XPNPEP1: variants seen among roughly 807,000 people sequenced by gnomAD.
The protein encoded by XPNPEP1 is xaa-Pro aminopeptidase 1.
XPNPEP1 carries 39 observed loss-of-function variants against 92.4 expected under a neutral mutation model. That is an observed-to-expected ratio of 0.42 (90% CI 0.33 to 0.55). The LOEUF (loss-of-function observed/expected upper bound fraction) is 0.55. Among genes scored for constraint, XPNPEP1 ranks in the 20% least tolerant of loss-of-function variants. The pLI is 0.08. For missense variants in XPNPEP1, 654 were observed against 856.1 expected, an observed-to-expected ratio of 0.76 and a Z score of 2.95; for synonymous variants, 307 against 299.4, an observed-to-expected ratio of 1.03 and a Z score of -0.26.
chr10:109,884,072 C>T lies in XPNPEP1; in HGVS notation c.825G>A (p.Thr275=), dbSNP rs758851966. The T allele has an allele frequency of 2.5e-6, 4 of 1,613,126 alleles. No homozygotes were observed. The highest frequency in any genetic ancestry group is 1.1e-5 in the South Asian group (1 of 90,874). ...FFSYAIIGLE[T]IMLFIDGDRI... The stretch of plus-strand genomic sequence containing the variant: ...GATGCAGGGCAAACACTCACATGAT[C>T]GTCTCTAGTCCTATGATTGCGTAGG... The change falls in exon 9 of 21, where the codon ACG becomes ACA. Residue 275 remains threonine (T), a synonymous_variant. Coordinates refer to ENST00000502935, the MANE Select transcript of XPNPEP1 (RefSeq NM_020383.4).
intron 9 of XPNPEP1, 77 bp from the exon 10 acceptor site, chr10:109,882,719 C>T: frequency 1.4e-6 from 2 of 1,480,170 alleles, no homozygotes; most frequent in Middle Eastern, 2.0e-4. Flanking sequence ...CACACATACA[C>T]ATCAGGCTCT....
At position 109,891,896 on chromosome 10, in the gene XPNPEP1, A is replaced by G; in HGVS notation, c.311-70T>C. On this transcript the variant is annotated intron_variant, in intron 4 of 20. Coordinates refer to ENST00000502935, the MANE Select transcript of XPNPEP1 (RefSeq NM_020383.4). ...AACTGCTCAGAAGCTGCACAAAATGACAGTAGACAGGCAAGAGCAGTAAGA... is the reference window on the plus strand; with the variant it reads ...AACTGCTCAGAAGCTGCACAAAATGGCAGTAGACAGGCAAGAGCAGTAAGA... 2.0e-6 allele frequency: 3 copies of G among 1,498,940 alleles called. No homozygotes were observed. In the South Asian group the frequency reaches 3.5e-5, roughly 17 times the overall value. The allele number at this position is 1,498,940 out of a possible 1,614,324, so 92.9% of individuals were successfully genotyped here. A position where few individuals can be genotyped will look rare whatever the true frequency, so the allele number is the denominator to read the frequency against.
intron 19 of XPNPEP1, among the ~76,000 whole-genome samples, chr10:109,869,606 A>C (rs919752903): frequency 6.6e-6 from 1 of 152,212 alleles, no homozygotes; most frequent in Non-Finnish European, 1.5e-5. Context: ...AAGAGACAAC[A>C]GGCCGCCTAT....
intron 5 of XPNPEP1, among the ~76,000 whole-genome samples, chr10:109,890,550 TTGTG>T (rs768880431): frequency 2.2e-4 from 23 of 103,178 alleles, no homozygotes; most frequent in African/African-American, 8.0e-4. Flanking sequence ...ATGCCTGCCT[TTGTG>T]TGTGTGTGTG....
rs556970182 is a variant in XPNPEP1, at chr10:109,870,812, T to G, written c.1615A>C (p.Asn539His). 1 of 1,613,874 alleles carries G rather than the reference T, an allele frequency of 6.2e-7. No homozygotes were observed. Among genetic ancestry groups the G allele is most frequent in the African/African-American group, 1.3e-5 (1 of 74,828 alleles). The change falls in exon 18 of 21, where the codon AAT (asparagine) becomes CAT (histidine). Residue 539 changes from asparagine (N) to histidine (H), a missense_variant. Coordinates refer to ENST00000502935, the MANE Select transcript of XPNPEP1 (RefSeq NM_020383.4). ...ATGCCGCAAGGACCCTCATGGACAT[T>G]CAAAAAAGACCCAACACCATGTCCA... ...GTGHGVGSFL[N>H]VHEGPCGISY... is the part of the protein sequence containing the mutation.
intron 3 of XPNPEP1, chr10:109,893,902 C>T (rs1281184272): frequency 6.6e-6 from 1 of 152,260 alleles, no homozygotes; most frequent in Non-Finnish European, 1.5e-5. Flanking sequence ...CTATGCCAGG[C>T]TGCCAATGCA....
chr10:109,880,730 A>T, intron 11 of XPNPEP1, 112 bp downstream of exon 11: 1 of 982,942 alleles, frequency 1.0e-6, no homozygotes, highest in Non-Finnish European at 1.5e-6. Flanking sequence ...CAGGAGGCTG[A>T]GGCTCAGAGA....
At chr10:109,909,278 T>A (rs1849729431) in intron 2 of XPNPEP1, among the ~76,000 whole-genome samples, 1 of 149,720 alleles carries the variant, frequency 6.7e-6, no homozygotes, top group Non-Finnish European at 1.5e-5. Flanking sequence ...CTCAAAAAAA[T>A]AAATAAATAA....
chr10:109,866,305 G>C (rs1847140687), intron 20 of XPNPEP1, among the ~76,000 whole-genome samples: 1 of 152,206 alleles, frequency 6.6e-6, no homozygotes, highest in African/African-American at 2.4e-5. Context: ...CAGACAGATA[G>C]GGTGGTGTTA....
chr10:109,887,978 G>A, intron 7 of XPNPEP1, 71 bp downstream of exon 7: 6 of 1,584,702 alleles, frequency 3.8e-6, no homozygotes, highest in Admixed American at 1.7e-5. Context: ...CGGAGGACGA[G>A]GCTGGAGACA....
chr10:109,871,144 C>T, intron 17 of XPNPEP1: 1 of 405,234 alleles, frequency 2.5e-6, no homozygotes, highest in Non-Finnish European at 4.4e-6. Context: ...TAGACACCTA[C>T]AGCACACAGA....
At chr10:109,896,717 T>G (rs1221457835) in intron 3 of XPNPEP1, among the ~76,000 whole-genome samples, 3 of 151,974 alleles carry the variant, frequency 2.0e-5, no homozygotes, top group Non-Finnish European at 4.4e-5. Flanking sequence ...AACCCACATT[T>G]GTATTATAAA....
chr10:109,908,401 G>A (rs1371721588), intron 2 of XPNPEP1, among the ~76,000 whole-genome samples: 3 of 152,156 alleles, frequency 2.0e-5, no homozygotes, highest in Admixed American at 6.5e-5. Flanking sequence ...TCGGGAGATC[G>A]AGACCATCCT....
intron 7 of XPNPEP1, among the ~76,000 whole-genome samples, chr10:109,887,687 G>A (rs1310010054): frequency 6.6e-6 from 1 of 152,170 alleles, no homozygotes; most frequent in Non-Finnish European, 1.5e-5. Flanking sequence ...ATCTACAAAT[G>A]CTGACATAAG....
intron 2 of XPNPEP1, among the ~76,000 whole-genome samples, chr10:109,910,232 T>C (rs1849790470): frequency 6.6e-6 from 1 of 152,192 alleles, no homozygotes; most frequent in African/African-American, 2.4e-5. Flanking sequence ...CTTTTCCAGA[T>C]TGATTTCTTT....
At chr10:109,870,689 G>C (rs758166238) in intron 18 of XPNPEP1, 42 bp downstream of exon 18, 1 of 1,566,444 alleles carries the variant, frequency 6.4e-7, no homozygotes, top group Admixed American at 1.9e-5. Flanking sequence ...TTTCAAAAAG[G>C]CTCAAGGATC....
In XPNPEP1 at chr10:109,865,113, A is replaced by G. The variant is rs971110435; in HGVS notation, c.*71T>C. On this transcript the variant is annotated 3_prime_UTR_variant, in exon 21 of 21. Coordinates refer to ENST00000502935, the MANE Select transcript of XPNPEP1 (RefSeq NM_020383.4). ...GGAAGAAGGAAAGGAAAGGGGAAAG[A>G]TGTCAGGGATCTGCCACGTTTCTTC... The G allele has an allele frequency of 5.0e-6, 8 of 1,597,952 alleles. No individual in the cohort carries two copies. In the Admixed American group the frequency reaches 1.2e-4, roughly 23 times the overall value.
chr10:109,880,930 T>G lies in XPNPEP1; in HGVS notation c.1043A>C (p.Asp348Ala), dbSNP rs1409152029. ...SYAVSETIPK[D>A]HRCCMPYTPI... Reference sequence around the variant, plus strand: ...GGTGTAAGGCATACAGCAGCGGTGGTCCTAGAGGCAAAGGGCAGTAGGGTG... The same window carrying G: ...GGTGTAAGGCATACAGCAGCGGTGGGCCTAGAGGCAAAGGGCAGTAGGGTG... Residue 348 changes from aspartate to alanine, a missense_variant and splice_region_variant, in exon 11 of 21, where the codon GAC becomes GCC. By Grantham distance (126) the Asp-to-Ala change is moderately radical. Transcript: ENST00000502935. 4 of 1,613,668 alleles carry G rather than the reference T, an allele frequency of 2.5e-6. No homozygotes were observed. The highest frequency in any genetic ancestry group is 3.4e-6 in the Non-Finnish European group (4 of 1,179,804).
rs531456504 is a variant in XPNPEP1, at chr10:109,873,469, C to T, written c.1392-42G>A. 125 of 1,613,426 alleles carry T rather than the reference C, an allele frequency of 7.7e-5. 4 individuals carry two copies. The South Asian group carries it at 1.2e-3, about 15-fold the overall frequency. On this transcript the variant is annotated intron_variant, in intron 15 of 20. Coordinates refer to ENST00000502935, the MANE Select transcript of XPNPEP1 (RefSeq NM_020383.4). The stretch of plus-strand genomic sequence containing the variant: ...CAAATTGGTTTCCCGTCAAAATAAG[C>T]TTTAAGTCAAATATGACACAGGCAA...
Sources: allele counts gnomAD v4.1 joint callset (sites outside exome capture counted in the v4.1 genomes callset), GRCh38; gene constraint gnomAD v4.1.1; transcripts MANE v1.5; gene names NCBI Gene and HGNC (gene_info 2026-07-23, HGNC 2026-07-21).